Variants in CTNNA2 observed in about 807,000 individuals in gnomAD.
CTNNA2 encodes catenin alpha 2, also known as catenin alpha-2.
Under a neutral mutation model 101.0 loss-of-function variants are expected in CTNNA2, and 42 were observed. The ratio of observed to expected loss-of-function variants is 0.42; its 90% CI spans 0.32 to 0.54. The LOEUF (loss-of-function observed/expected upper bound fraction) is 0.54, where lower values mean the gene tolerates loss of function less well. Ranked by LOEUF, CTNNA2 falls within the 20% of genes least tolerant of loss-of-function variation. The pLI, the probability that CTNNA2 is intolerant of heterozygous loss-of-function variation, is 0.14. For synonymous variants in CTNNA2, 450 were observed against 456.4 expected (o/e 0.99, Z 0.18); for missense variants, 871 against 1,223.1 (o/e 0.71, Z 4.29).
chr2:80,126,671 A>C (rs1481287620), intron 7 of CTNNA2, among the ~76,000 whole-genome samples: 50 of 89,860 alleles, frequency 5.6e-4, no homozygotes, highest in African/African-American at 7.0e-4. Context: ...TTCCTTCCTC[A>C]CTCCCTCCCT....
At chr2:80,473,127 G>A (rs937118914) in intron 9 of CTNNA2, among the ~76,000 whole-genome samples, 9 of 152,178 alleles carry the variant, frequency 5.9e-5, no homozygotes, top group African/African-American at 2.2e-4. Context: ...CTTATCTGAA[G>A]CTAGGGAAGG....
chr2:80,546,579 T>C (rs1359341238), intron 11 of CTNNA2, among the ~76,000 whole-genome samples: 2 of 152,224 alleles, frequency 1.3e-5, no homozygotes, highest in Admixed American at 6.5e-5. Context: ...TGAGCACTTG[T>C]CTATGAGGTT....
At chr2:80,452,085 A>AAGAACCT (rs1291182671) in intron 9 of CTNNA2, among the ~76,000 whole-genome samples, 1 of 152,338 alleles carries the variant, frequency 6.6e-6, no homozygotes, top group African/African-American at 2.4e-5. Flanking sequence ...GCACTATACC[A>AAGAACCT]AGAACCTAGC....
chr2:79,522,437 A>G (rs1189961727), intron 1 of CTNNA2, among the ~76,000 whole-genome samples: 2 of 152,214 alleles, frequency 1.3e-5, no homozygotes, highest in Non-Finnish European at 2.9e-5. Flanking sequence ...CTATAAGATG[A>G]ATACCTGAAC....
intron 9 of CTNNA2, among the ~76,000 whole-genome samples, chr2:80,438,211 TCTC>T (rs1682217651): frequency 6.6e-6 from 1 of 152,022 alleles, no homozygotes; most frequent in Non-Finnish European, 1.5e-5. Flanking sequence ...ATCCCTAGAG[TCTC>T]CTCCTGCGTC....
chr2:80,328,294 C>G (rs1014134117), intron 7 of CTNNA2: 1 of 471,010 alleles, frequency 2.1e-6, no homozygotes, highest in East Asian at 6.9e-5. Flanking sequence ...TTTGCTCTGT[C>G]CTGAATGAGG....
chr2:79,651,690 T>A (rs745955594), intron 2 of CTNNA2, 32 bp downstream of exon 2: 29 of 1,549,998 alleles, frequency 1.9e-5, no homozygotes, highest in Non-Finnish European at 2.6e-5. Context: ...CTTTGTTATA[T>A]ATGTGTTTCT....
intron 3 of CTNNA2, among the ~76,000 whole-genome samples, chr2:79,851,737 CTTTTTTT>C (rs11399192): frequency 2.3e-5 from 2 of 87,140 alleles, no homozygotes; most frequent in African/African-American, 4.7e-5. Context: ...TTTTCTTTTC[CTTTTTTT>C]TTTTTTTTTT....
chr2:80,351,338 G>A (rs1417764281), intron 7 of CTNNA2, among the ~76,000 whole-genome samples: 1 of 152,056 alleles, frequency 6.6e-6, no homozygotes, highest in South Asian at 2.1e-4. Flanking sequence ...TATAGCCAGG[G>A]GAAGAACTCC....
intron 6 of CTNNA2, among the ~76,000 whole-genome samples, chr2:79,887,975 G>A (rs564839381): frequency 1.1e-4 from 16 of 152,216 alleles, no homozygotes; most frequent in Admixed American, 4.6e-4. Flanking sequence ...ACACTCCTGT[G>A]GGTTCTTAGA....
intron 4 of CTNNA2, among the ~76,000 whole-genome samples, chr2:79,444,790 A>T (rs1208360127): frequency 6.6e-6 from 1 of 152,098 alleles, no homozygotes; most frequent in Non-Finnish European, 1.5e-5. Context: ...GGAGAAAGGG[A>T]ATTAGGTCAC....
At chr2:80,447,128 G>A (rs553526464) in intron 9 of CTNNA2, among the ~76,000 whole-genome samples, 5 of 152,074 alleles carry the variant, frequency 3.3e-5, no homozygotes, top group South Asian at 2.1e-4. Flanking sequence ...ACTGTGCTTG[G>A]TGTCATTTTT....
At chr2:80,103,299 A>G (rs1237886932) in intron 7 of CTNNA2, among the ~76,000 whole-genome samples, 3 of 152,124 alleles carry the variant, frequency 2.0e-5, no homozygotes, top group East Asian at 1.9e-4. Context: ...TTTTCTTGCT[A>G]TGTCCTCATA....
intron 9 of CTNNA2, among the ~76,000 whole-genome samples, chr2:80,523,380 A>G (rs1451317244): frequency 6.6e-6 from 1 of 152,200 alleles, no homozygotes; most frequent in Non-Finnish European, 1.5e-5. Flanking sequence ...AATTGAGAGA[A>G]GAAACTCCGT....
chr2:80,023,930 A>T (rs536486451), intron 7 of CTNNA2, among the ~76,000 whole-genome samples: 1 of 151,942 alleles, frequency 6.6e-6, no homozygotes, highest in Non-Finnish European at 1.5e-5. Context: ...TACTAAAAAT[A>T]CAAAAAATTA....
intron 3 of CTNNA2, among the ~76,000 whole-genome samples, chr2:79,788,954 C>T (rs1025428553): frequency 6.6e-6 from 1 of 152,164 alleles, no homozygotes; most frequent in African/African-American, 2.4e-5. Flanking sequence ...AGTTTAATGT[C>T]TAATGGTAAG....
At chr2:80,533,026 G>A (rs899358715) in intron 9 of CTNNA2, among the ~76,000 whole-genome samples, 3 of 152,038 alleles carry the variant, frequency 2.0e-5, no homozygotes, top group African/African-American at 7.2e-5. Context: ...CCACAAGGAT[G>A]AAAATAAAAA....
intron 14 of CTNNA2, among the ~76,000 whole-genome samples, chr2:80,582,525 G>T (rs1695626165): frequency 6.6e-6 from 1 of 152,118 alleles, no homozygotes; most frequent in African/African-American, 2.4e-5. Flanking sequence ...AATGCATTTG[G>T]TCTAAAGAGC....
chr2:79,480,539 T>A (rs1671097831), intron 4 of CTNNA2, among the ~76,000 whole-genome samples: 1 of 152,214 alleles, frequency 6.6e-6, no homozygotes, highest in Non-Finnish European at 1.5e-5. Context: ...GAAATTCTGG[T>A]ATATAAATAT....
Sources: gnomAD v4.1 joint callset for allele counts (sites outside exome capture counted in the v4.1 genomes callset) on GRCh38, gnomAD v4.1.1 for gene constraint, MANE v1.5 for transcripts, NCBI Gene and HGNC (gene_info 2026-07-23, HGNC 2026-07-21) for gene names.